Variants in CD99L2 observed in about 807,000 individuals in gnomAD.
CD99L2 encodes the protein CD99 molecule like 2, also known as CD99 antigen-like protein 2.
CD99L2 carries 24 observed loss-of-function variants against 27.3 expected under a neutral mutation model. That is an observed-to-expected ratio of 0.88 (90% CI 0.64 to 1.24). The LOEUF (loss-of-function observed/expected upper bound fraction) is 1.24, where lower values mean the gene tolerates loss of function less well. Ranked by LOEUF, CD99L2 falls within the 50% of genes most tolerant of loss-of-function variation. CD99L2 has a pLI of 0.00. For synonymous variants in CD99L2, 97 were observed against 87.9 expected (o/e 1.10, Z -0.58); for missense variants, 255 against 221.6 (o/e 1.15, Z -0.96).
intron 8 of CD99L2, among the ~76,000 whole-genome samples, chrX:150,776,503 A>G (rs781787239): frequency 2.4e-4 from 27 of 111,936 alleles, no homozygotes; most frequent in South Asian, 7.5e-4. Context: ...GTTTTCTGTA[A>G]GGGCTTCACT....
At chrX:150,887,963 G>A (rs907897946) in intron 1 of CD99L2, among the ~76,000 whole-genome samples, 1 of 112,259 alleles carries the variant, frequency 8.9e-6, no homozygotes, top group Non-Finnish European at 1.9e-5. Context: ...ATACGCTCCA[G>A]GGAGGGAGCA....
At chrX:150,816,681 G>C (rs1298216954) in intron 2 of CD99L2, among the ~76,000 whole-genome samples, 1 of 109,609 alleles carries the variant, frequency 9.1e-6, no homozygotes, top group East Asian at 2.9e-4. Flanking sequence ...ATTTGACCCA[G>C]CCATCCCATT....
intron 1 of CD99L2, among the ~76,000 whole-genome samples, chrX:150,844,232 T>C (rs2046666187): frequency 8.9e-6 from 1 of 112,342 alleles, no homozygotes; most frequent in Non-Finnish European, 1.9e-5. Context: ...GCCTTTCCCC[T>C]GCCCTCTGGC....
chrX:150,893,012 T>A (rs1322956851), intron 1 of CD99L2, among the ~76,000 whole-genome samples: 2 of 111,481 alleles, frequency 1.8e-5, no homozygotes, highest in African/African-American at 6.5e-5. Context: ...TAATCCCAGC[T>A]ACTCAGTAGG....
rs375339103 is a variant in CD99L2, at chrX:150,769,009, G to A, written c.*25C>T. The A allele has an allele frequency of 7.9e-5, 90 of 1,137,810 alleles. No homozygotes were observed. The Middle Eastern group carries it at 1.5e-3, about 19-fold the overall frequency. The allele number at this position is 1,137,810 out of a possible 1,213,427, so 93.8% of individuals were successfully genotyped here. ...GGGTGACAAGCGGTGGCACCATTGTGCATGCCTGCAGCTGGACAGGGCCCT... is the reference window on the plus strand; with the variant it reads ...GGGTGACAAGCGGTGGCACCATTGTACATGCCTGCAGCTGGACAGGGCCCT... On this transcript the variant is annotated 3_prime_UTR_variant, in exon 11 of 11. Transcript: ENST00000370377.
chrX:150,871,543 G>C (rs1228557558), intron 1 of CD99L2, among the ~76,000 whole-genome samples: 1 of 111,926 alleles, frequency 8.9e-6, no homozygotes, highest in Non-Finnish European at 1.9e-5. Flanking sequence ...GGTAGGAGTA[G>C]AAAATGGTAC....
chrX:150,800,175 G>A (rs2045881012), intron 4 of CD99L2, among the ~76,000 whole-genome samples: 1 of 112,023 alleles, frequency 8.9e-6, no homozygotes, highest in Non-Finnish European at 1.9e-5. Context: ...CCTAGAATGG[G>A]CAAATTCTTA....
At chrX:150,843,939 T>C (rs1569566053) in intron 1 of CD99L2, among the ~76,000 whole-genome samples, 1 of 111,479 alleles carries the variant, frequency 9.0e-6, no homozygotes, top group Non-Finnish European at 1.9e-5. Context: ...ACTTGGTCAA[T>C]GGTGAGACCA....
At chrX:150,805,330 A>T (rs1476391963) in intron 4 of CD99L2, among the ~76,000 whole-genome samples, 2 of 111,592 alleles carry the variant, frequency 1.8e-5, no homozygotes, top group South Asian at 3.8e-4. Context: ...TGGGGTGGGG[A>T]GTAGGGAGAT....
At position 150,869,883 on chromosome X, in the gene CD99L2, GAGACTGGGGAGGGA is replaced by G. The variant is rs781941687; in HGVS notation, c.67+28625_67+28638del. Among the ~76,000 whole-genome samples the G allele has an allele frequency of 6.6e-4, 73 of 110,873 alleles. 1 individual carries two copies. The South Asian group carries it at 9.7e-3, about 15-fold the overall frequency. ...GCCTTTTGGAGGAAGATGGGGAGGG[GAGACTGGGGAGGGA>G]AGACTGGGGAGGGAATAGCTGACTG... On this transcript the variant is annotated intron_variant, in intron 1 of 10. Coordinates refer to ENST00000370377, the MANE Select transcript of CD99L2 (RefSeq NM_031462.4).
intron 1 of CD99L2, among the ~76,000 whole-genome samples, chrX:150,877,211 T>C (rs782478725): frequency 4.4e-4 from 48 of 110,289 alleles, no homozygotes; most frequent in African/African-American, 1.4e-3. Context: ...ACAGGTTAAA[T>C]AGAAGCAGAG....
In CD99L2 at chrX:150,780,213, C is replaced by T. The variant is rs1383513365; in HGVS notation, c.497-2731G>A. On this transcript the variant is annotated intron_variant, in intron 7 of 10. Transcript: ENST00000370377. ...AATGCAAACCAAAACCATAATGAGA[C>T]ACCATCTCATATCCACTAGGATAAC... Among the ~76,000 whole-genome samples the T allele has an allele frequency of 2.7e-5, 3 of 111,335 alleles. No individual in the cohort carries two copies. The Admixed American group carries it at 2.9e-4, about 11-fold the overall frequency.
intron 1 of CD99L2, among the ~76,000 whole-genome samples, chrX:150,835,724 C>G (rs1187089821): frequency 9.0e-6 from 1 of 111,328 alleles, no homozygotes; most frequent in Non-Finnish European, 1.9e-5. Flanking sequence ...CTATCCCCAC[C>G]AAAAATAAAA....
At chrX:150,865,234 A>G (rs1557422003) in intron 1 of CD99L2, among the ~76,000 whole-genome samples, 1 of 110,968 alleles carries the variant, frequency 9.0e-6, no homozygotes, top group African/African-American at 3.3e-5. Flanking sequence ...ATGGTGGTAC[A>G]TGCCTATAAT....
intron 7 of CD99L2, among the ~76,000 whole-genome samples, chrX:150,792,677 G>C (rs782710972): frequency 8.9e-6 from 1 of 111,805 alleles, no homozygotes; most frequent in Admixed American, 9.5e-5. Flanking sequence ...TTATAACCGG[G>C]TGTAACAGCA....
intron 1 of CD99L2, among the ~76,000 whole-genome samples, chrX:150,886,976 T>A (rs1435218128): frequency 9.1e-6 from 1 of 110,363 alleles, no homozygotes; most frequent in African/African-American, 3.3e-5. Context: ...AGATTCTGTC[T>A]CTACAAATAA....
chrX:150,886,574 A>C (rs782062397), intron 1 of CD99L2, among the ~76,000 whole-genome samples: 1 of 112,772 alleles, frequency 8.9e-6, no homozygotes, highest in Admixed American at 9.3e-5. Flanking sequence ...ATTTCTCAGA[A>C]CATCTCTCCA....
At chrX:150,888,010 G>GGCAGTTTTAAATGATGGCTGCA (rs1215478662) in intron 1 of CD99L2, among the ~76,000 whole-genome samples, 7 of 111,709 alleles carry the variant, frequency 6.3e-5, no homozygotes, top group Non-Finnish European at 1.3e-4. Flanking sequence ...AGATTTGTGC[G>GGCAGTTTTAAATGATGGCTGCA]GCAGTTTTAA....
intron 1 of CD99L2, among the ~76,000 whole-genome samples, chrX:150,894,007 C>T (rs72612733): frequency 0.047 from 5,224 of 111,753 alleles, 127 homozygotes; most frequent in East Asian, 0.095. Flanking sequence ...TGAGCCACTG[C>T]GCCTGGCCAC....
Sources: gnomAD v4.1 joint callset for allele counts (sites outside exome capture counted in the v4.1 genomes callset) on GRCh38, gnomAD v4.1.1 for gene constraint, MANE v1.5 for transcripts, NCBI Gene and HGNC (gene_info 2026-07-23, HGNC 2026-07-21) for gene names.